The following HMGXB3 variants were observed in gnomAD, a reference collection of about 807,000 sequenced individuals.
HMGXB3 encodes HMG domain-containing protein 3.
Under a neutral mutation model 121.5 loss-of-function variants are expected in HMGXB3, and 45 were observed. That is an observed-to-expected ratio of 0.37 (90% CI 0.29 to 0.47). The LOEUF (loss-of-function observed/expected upper bound fraction) is 0.47. HMGXB3 is among the 20% of genes least tolerant of loss of function. The pLI, the probability that HMGXB3 is intolerant of heterozygous loss-of-function variation, is 0.99. For synonymous variants in HMGXB3, 590 were observed against 624.1 expected, an observed-to-expected ratio of 0.95 and a Z score of 0.81; for missense variants, 1,376 against 1,602.2, an observed-to-expected ratio of 0.86 and a Z score of 2.41.
chr5:150,033,757 A>G (rs1756436326), intron 11 of HMGXB3, among the ~76,000 whole-genome samples: 1 of 152,144 alleles, frequency 6.6e-6, no homozygotes, highest in African/African-American at 2.4e-5. Flanking sequence ...ACAGGACTAC[A>G]GAGGTGGGGA....
At chr5:150,001,546 A>C (rs1280769714) in intron 1 of HMGXB3, among the ~76,000 whole-genome samples, 1 of 152,232 alleles carries the variant, frequency 6.6e-6, no homozygotes, top group Non-Finnish European at 1.5e-5. Flanking sequence ...CAGATGAAAT[A>C]ACGGAGACTT....
At chr5:150,049,503 A>G (rs909691233) in intron 18 of HMGXB3, among the ~76,000 whole-genome samples, 2 of 152,182 alleles carry the variant, frequency 1.3e-5, no homozygotes, top group African/African-American at 4.8e-5. Flanking sequence ...TAGCTGTAAA[A>G]AGAGAATCCA....
At chr5:150,048,188 T>C (rs761477317) in intron 17 of HMGXB3, among the ~76,000 whole-genome samples, 10 of 152,268 alleles carry the variant, frequency 6.6e-5, no homozygotes, top group Non-Finnish European at 1.2e-4. Context: ...TATGTGTCTA[T>C]GTGTTTTATT....
In HMGXB3 at chr5:150,040,742, C is replaced by T. The variant is rs116935854; in HGVS notation, c.2414-6C>T. 385 of 1,549,698 alleles carry T rather than the reference C, an allele frequency of 2.5e-4. No homozygotes were observed. In the East Asian group the frequency reaches 9.1e-3, roughly 37 times the overall value. ...AATTTCCTTGTTGCCTCTTCTTAAC[C>T]TGCAGGTCTCTTTAATGTGGGGAAC... On this transcript the variant is annotated splice_polypyrimidine_tract_variant and splice_region_variant and intron_variant, in intron 13 of 19. Transcript: ENST00000502717.
chr5:150,032,470 C>T lies in HMGXB3; in HGVS notation c.1850C>T (p.Thr617Ile). 6.4e-7 allele frequency: 1 copy of T among 1,551,656 alleles called. No homozygotes were observed. The highest frequency in any genetic ancestry group is 8.7e-7 in the Non-Finnish European group (1 of 1,146,956). Residue 617 changes from threonine to isoleucine, a missense_variant, in exon 11 of 20, where the codon ACA becomes ATA. Physicochemically the swap from Thr to Ile is moderately conservative, Grantham distance 89 (BLOSUM62 -1). Coordinates refer to ENST00000502717, the MANE Select transcript of HMGXB3 (RefSeq NM_014983.3). ...CTTTTTTAGGATTTGGGCCTGGCTA[C>T]ATCAAGAGGCCGGGGAAAGTGCAAG... The part of the protein sequence containing the change: ...CTVTLDLGLA[T>I]SRGRGKCKNP...
At chr5:150,008,091 AC>A (rs1755749277) in intron 3 of HMGXB3, among the ~76,000 whole-genome samples, 1 of 151,176 alleles carries the variant, frequency 6.6e-6, no homozygotes, top group East Asian at 1.9e-4. Flanking sequence ...ACACACACAC[AC>A]ACACACAAAT....
chr5:150,004,525 G>A (rs1206825775), intron 1 of HMGXB3, among the ~76,000 whole-genome samples: 2 of 152,090 alleles, frequency 1.3e-5, no homozygotes, highest in African/African-American at 4.8e-5. Flanking sequence ...TAAAGGGGTG[G>A]GTGGGTACTG....
Position 150,008,727 on chromosome 5 carries a change from G to A in HMGXB3, c.313-1384G>A, listed in dbSNP as rs1002439600. 3.3e-5 allele frequency among the ~76,000 whole-genome samples: 5 copies of A among 152,300 alleles called. No homozygotes were observed. In the East Asian group the frequency reaches 7.7e-4, roughly 23 times the overall value. ...AATGAGTATCATTCAGGCCTTCCAG[G>A]TTTCTTTGTGCTTGGATTTGTTAAG... On this transcript the variant is annotated intron_variant, in intron 3 of 19. Transcript: ENST00000502717.
chr5:150,047,563 T>A, intron 16 of HMGXB3, 61 bp from the exon 17 acceptor site: 2 of 1,543,868 alleles, frequency 1.3e-6, no homozygotes, highest in Non-Finnish European at 1.8e-6. Flanking sequence ...TTTGTGGGCC[T>A]AGCCTTGGCC....
rs1170758515 is a variant in HMGXB3, at chr5:150,052,722, T to C, written c.*530T>C. ...TGATTCTCCCTGAAGGAGGGATGCA[T>C]TTCTCTCTTGCTCTTCCTGTACCCA... On this transcript the variant is annotated 3_prime_UTR_variant, in exon 20 of 20. Transcript: ENST00000502717. The C allele has an allele frequency of 6.4e-6, 1 of 155,528 alleles. No individual in the cohort carries two copies. Among genetic ancestry groups the C allele is most frequent in the African/African-American group, 2.4e-5 (1 of 41,432 alleles). The allele number at this position is 155,528 out of a possible 1,614,324, so 9.6% of individuals were successfully genotyped here. A position where few individuals can be genotyped will look rare whatever the true frequency, so the allele number is the denominator to read the frequency against.
intron 1 of HMGXB3, among the ~76,000 whole-genome samples, chr5:150,001,694 T>C (rs1260390104): frequency 3.3e-5 from 5 of 152,216 alleles, no homozygotes; most frequent in Non-Finnish European, 7.3e-5. Context: ...TGCATTGCTA[T>C]ACTGCTGCCT....
chr5:150,051,668 A>G, intron 19 of HMGXB3, 57 bp from the exon 20 acceptor site: 1 of 1,342,816 alleles, frequency 7.4e-7, no homozygotes, highest in Non-Finnish European at 1.0e-6. Flanking sequence ...TCGTCACCAG[A>G]TGGGTTCCAC....
rs183054657 is a variant in HMGXB3, at chr5:150,045,590, C to T, written c.2855C>T (p.Ala952Val). 21 of 1,551,956 alleles carry T rather than the reference C, an allele frequency of 1.4e-5. No individual in the cohort carries two copies. Among genetic ancestry groups the T allele is most frequent in the African/African-American group, 5.5e-5 (4 of 73,144 alleles). Residue 952 changes from alanine (A) to valine (V), a missense_variant, in exon 16 of 20, where the codon GCG (alanine) becomes GTG (valine). By Grantham distance (64) the Ala-to-Val change is moderately conservative. Coordinates refer to ENST00000502717, the MANE Select transcript of HMGXB3 (RefSeq NM_014983.3). ...PASIPITKFD[A>V]SVIAPFFPPL... is the part of the protein sequence containing the mutation. ...AGCATCCCTATCACCAAATTTGATG[C>T]GTCTGTTATTGCCCCCTTCTTCCCA...
rs1581247870 is a variant in HMGXB3, at chr5:150,011,566, A to G, written c.811-689A>G. Among the ~76,000 whole-genome samples the G allele has an allele frequency of 2.0e-5, 3 of 150,630 alleles. No homozygotes were observed. In the South Asian group the frequency reaches 6.3e-4, roughly 32 times the overall value. ...GCTGTTTATGATAATGAAGCGTGCA[A>G]CTAGCCGGTTGTTGTTGTTGTTGGT... On this transcript the variant is annotated intron_variant, in intron 4 of 19. Transcript: ENST00000502717.
chr5:150,026,553 A>G (rs1207927036), intron 7 of HMGXB3, among the ~76,000 whole-genome samples, 153 bp from the exon 8 acceptor site: 1 of 152,246 alleles, frequency 6.6e-6, no homozygotes, highest in East Asian at 1.9e-4. Flanking sequence ...AGGGCCACAC[A>G]GCTATTTAGT....
chr5:150,019,780 T>A (rs149662613), intron 6 of HMGXB3, among the ~76,000 whole-genome samples: 1,980 of 152,322 alleles, frequency 0.013, 16 homozygotes, highest in South Asian at 0.021. Flanking sequence ...CAAACTTGTA[T>A]GTGTAGAAAA....
At chr5:150,001,996 A>G (rs931750919) in intron 1 of HMGXB3, among the ~76,000 whole-genome samples, 4 of 152,086 alleles carry the variant, frequency 2.6e-5, no homozygotes, top group African/African-American at 9.7e-5. Flanking sequence ...TTACTGGCCT[A>G]TTGCTTACCC....
intron 9 of HMGXB3, among the ~76,000 whole-genome samples, chr5:150,027,768 G>T (rs188918047): frequency 3.9e-5 from 6 of 152,060 alleles, no homozygotes; most frequent in African/African-American, 1.5e-4. Context: ...GGCCAGGCTG[G>T]CCTTGAACTC....
At chr5:150,034,489 T>A (rs946397132) in intron 11 of HMGXB3, among the ~76,000 whole-genome samples, 9 of 152,112 alleles carry the variant, frequency 5.9e-5, no homozygotes, top group African/African-American at 2.2e-4. Context: ...ACTCTCTAGA[T>A]CTAGGATGAT....
Sources: allele counts gnomAD v4.1 joint callset (sites outside exome capture counted in the v4.1 genomes callset), GRCh38; gene constraint gnomAD v4.1.1; transcripts MANE v1.5; gene names NCBI Gene and HGNC (gene_info 2026-07-23, HGNC 2026-07-21).